DAB1: variants seen among roughly 807,000 people sequenced by gnomAD.
The protein encoded by DAB1 is DAB adaptor protein 1, also known as disabled homolog 1.
In DAB1, 15 loss-of-function variants were observed where a neutral mutation model predicts 64.6. That is an observed-to-expected ratio of 0.23 (90% CI 0.16 to 0.36). The LOEUF (loss-of-function observed/expected upper bound fraction) is 0.36. Ranked by LOEUF, DAB1 falls within the 10% of genes least tolerant of loss-of-function variation. DAB1 has a pLI of 1.00. For missense variants in DAB1, 596 were observed against 706.7 expected, an observed-to-expected ratio of 0.84 and a Z score of 1.78; for synonymous variants, 235 against 251.9, an observed-to-expected ratio of 0.93 and a Z score of 0.64.
At position 57,146,554 on chromosome 1, in the gene DAB1, T is replaced by C. The variant is rs183253315; in HGVS notation, c.68-1125A>G. ...TGCAAACTAAGGCCTTTCTATATTG[T>C]GGGGTTGAGAATTATCGGAAGACAT... is the stretch of plus-strand genomic sequence containing the variant. On this transcript the variant is annotated intron_variant, in intron 2 of 14. Transcript: ENST00000371236. Among the ~76,000 whole-genome samples the C allele has an allele frequency of 6.7e-5, 10 of 148,696 alleles. No homozygotes were observed. The East Asian group carries it at 1.9e-3, about 29-fold the overall frequency.
intron 6 of DAB1, among the ~76,000 whole-genome samples, chr1:57,715,105 G>A (rs539091321): frequency 6.6e-6 from 1 of 152,240 alleles, no homozygotes; most frequent in South Asian, 2.1e-4. Context: ...TCATTCCAGG[G>A]ATGCAAAGAT....
At chr1:57,678,400 C>T (rs935302538) in intron 6 of DAB1, among the ~76,000 whole-genome samples, 36 of 152,278 alleles carry the variant, frequency 2.4e-4, no homozygotes, top group Admixed American at 6.5e-5. Flanking sequence ...TTAATAAGCT[C>T]CCATCATCCT....
chr1:57,370,138 A>G (rs1262383878), intron 1 of DAB1, among the ~76,000 whole-genome samples: 1 of 152,152 alleles, frequency 6.6e-6, no homozygotes, highest in Non-Finnish European at 1.5e-5. Context: ...CTCTACAGGC[A>G]TTGTCTGCTT....
At chr1:57,732,046 A>C (rs752944494) in intron 6 of DAB1, among the ~76,000 whole-genome samples, 5 of 152,160 alleles carry the variant, frequency 3.3e-5, no homozygotes, top group Non-Finnish European at 5.9e-5. Context: ...TGGAATGAGA[A>C]TCCTGTAGTC....
In DAB1 at chr1:57,661,547, G is replaced by A. The variant is rs536393293; in HGVS notation, n.552-11882C>T. On this transcript the variant is annotated intron_variant and non_coding_transcript_variant, in intron 6 of 20. Transcript: ENST00000485760. ...GTGCAGCCCTTAGCTTGTCTTGGAAGTCACTAGAAGATAGTGTACAGTTGT... is the reference window on the plus strand; with the variant it reads ...GTGCAGCCCTTAGCTTGTCTTGGAAATCACTAGAAGATAGTGTACAGTTGT... Among the ~76,000 whole-genome samples the A allele has an allele frequency of 3.3e-4, 50 of 152,218 alleles. No homozygotes were observed. The South Asian group carries it at 9.7e-3, about 30-fold the overall frequency.
intron 2 of DAB1, among the ~76,000 whole-genome samples, chr1:57,216,901 T>C (rs1315004549): frequency 3.9e-5 from 6 of 152,212 alleles, no homozygotes; most frequent in Non-Finnish European, 8.8e-5. Context: ...CTAAAACCAG[T>C]GCTTTTTCTG....
At chr1:58,052,477 G>A (rs529109342) in intron 5 of DAB1, among the ~76,000 whole-genome samples, 7 of 152,120 alleles carry the variant, frequency 4.6e-5, no homozygotes, top group Admixed American at 2.0e-4. Context: ...GTCAGGTAGC[G>A]TGATGCCTCT....
chr1:57,056,457 A>C (rs180675137), intron 9 of DAB1, among the ~76,000 whole-genome samples: 1 of 148,922 alleles, frequency 6.7e-6, no homozygotes, highest in East Asian at 2.0e-4. Flanking sequence ...GTGAGCTATG[A>C]CTGCAACACT....
chr1:57,681,883 G>GCC (rs1409368490), intron 6 of DAB1, among the ~76,000 whole-genome samples: 1 of 152,114 alleles, frequency 6.6e-6, no homozygotes, highest in Non-Finnish European at 1.5e-5. Flanking sequence ...GAGTCAGTCA[G>GCC]CCCCATGCCT....
At chr1:57,589,957 A>G (rs1645424436) in intron 7 of DAB1, among the ~76,000 whole-genome samples, 1 of 152,216 alleles carries the variant, frequency 6.6e-6, no homozygotes, top group South Asian at 2.1e-4. Flanking sequence ...AAAGAGCACA[A>G]ATTGGCCCAA....
intron 6 of DAB1, among the ~76,000 whole-genome samples, chr1:57,690,208 G>A (rs1646747719): frequency 6.6e-6 from 1 of 152,162 alleles, no homozygotes; most frequent in South Asian, 2.1e-4. Context: ...GAACAGGGCT[G>A]CAACAAGCAT....
At chr1:58,067,477 A>C (rs1252694875) in intron 5 of DAB1, among the ~76,000 whole-genome samples, 1 of 152,214 alleles carries the variant, frequency 6.6e-6, no homozygotes, top group African/African-American at 2.4e-5. Flanking sequence ...TGTGTGTAAA[A>C]CACCTACCAC....
At chr1:58,504,790 A>G (rs1267715957) in intron 3 of DAB1, among the ~76,000 whole-genome samples, 1 of 152,176 alleles carries the variant, frequency 6.6e-6, no homozygotes, top group East Asian at 1.9e-4. Context: ...TTCTTATGAT[A>G]AATCATATCC....
At chr1:57,801,091 C>T (rs977165205) in intron 6 of DAB1, among the ~76,000 whole-genome samples, 5 of 152,190 alleles carry the variant, frequency 3.3e-5, no homozygotes, top group African/African-American at 1.2e-4. Context: ...AACATCAAGA[C>T]ATAGCATTTC....
At chr1:57,046,161 G>C (rs1040470090) in intron 9 of DAB1, among the ~76,000 whole-genome samples, 2 of 152,204 alleles carry the variant, frequency 1.3e-5, no homozygotes, top group African/African-American at 4.8e-5. Context: ...TACAAAAGCA[G>C]ATCTATCGAA....
intron 4 of DAB1, among the ~76,000 whole-genome samples, chr1:57,109,058 G>A (rs1438874276): frequency 1.3e-5 from 2 of 152,118 alleles, no homozygotes; most frequent in Non-Finnish European, 2.9e-5. Flanking sequence ...TCCTGCTATG[G>A]CCATTTGGAC....
chr1:58,399,825 A>C (rs1644554849), intron 3 of DAB1, among the ~76,000 whole-genome samples: 2 of 152,168 alleles, frequency 1.3e-5, no homozygotes, highest in African/African-American at 4.8e-5. Context: ...ATGCCAAGGT[A>C]ATCTGTGGAG....
At chr1:57,978,362 T>C (rs1456678281) in intron 5 of DAB1, among the ~76,000 whole-genome samples, 2 of 152,186 alleles carry the variant, frequency 1.3e-5, no homozygotes, top group East Asian at 1.9e-4. Context: ...TGGCTAGTCA[T>C]GTGCAGAAAA....
chr1:58,400,856 T>G (rs1644563232), intron 3 of DAB1, among the ~76,000 whole-genome samples: 1 of 152,236 alleles, frequency 6.6e-6, no homozygotes, highest in Non-Finnish European at 1.5e-5. Flanking sequence ...TTACGCATTT[T>G]GATATTAAAA....
Sources: gnomAD v4.1 joint callset for allele counts (sites outside exome capture counted in the v4.1 genomes callset) on GRCh38, gnomAD v4.1.1 for gene constraint, MANE v1.5 for transcripts, NCBI Gene and HGNC (gene_info 2026-07-23, HGNC 2026-07-21) for gene names.